The following MGMT variants were observed in gnomAD, a reference collection of about 807,000 sequenced individuals.
The protein encoded by MGMT is O-6-methylguanine-DNA methyltransferase.
MGMT carries 14 observed loss-of-function variants against 15.9 expected under a neutral mutation model. That is an observed-to-expected ratio of 0.88 (90% CI 0.58 to 1.37). The LOEUF (loss-of-function observed/expected upper bound fraction) is 1.37. Among genes scored for constraint, MGMT ranks in the 40% most tolerant of loss-of-function variants. The pLI, the probability that MGMT is intolerant of heterozygous loss-of-function variation, is 0.00. For synonymous variants in MGMT, 130 were observed against 118.2 expected, an observed-to-expected ratio of 1.10 and a Z score of -0.65; for missense variants, 282 against 268.1, an observed-to-expected ratio of 1.05 and a Z score of -0.36.
chr10:129,609,279 A>C (rs1169340325), intron 2 of MGMT, among the ~76,000 whole-genome samples: 3 of 151,248 alleles, frequency 2.0e-5, no homozygotes, highest in Non-Finnish European at 4.4e-5. Flanking sequence ...GTAGAACTGG[A>C]ATCGTTGGCC....
intron 2 of MGMT, among the ~76,000 whole-genome samples, chr10:129,668,395 T>A (rs1847683764): frequency 6.6e-6 from 1 of 152,252 alleles, no homozygotes; most frequent in Non-Finnish European, 1.5e-5. Context: ...CACAGTTATT[T>A]GCTCTCACCT....
intron 2 of MGMT, among the ~76,000 whole-genome samples, chr10:129,559,378 G>T (rs1009739583): frequency 1.3e-5 from 2 of 152,146 alleles, no homozygotes; most frequent in Non-Finnish European, 2.9e-5. Context: ...GGCCCTTGAG[G>T]GGTTTATAGA....
intron 3 of MGMT, among the ~76,000 whole-genome samples, chr10:129,755,139 G>T (rs756326604): frequency 6.6e-6 from 1 of 152,220 alleles, no homozygotes; most frequent in East Asian, 1.9e-4. Context: ...TTCTGCCCAG[G>T]TTTTATAAAG....
chr10:129,513,232 TG>T (rs972481309), intron 1 of MGMT, among the ~76,000 whole-genome samples: 1 of 151,378 alleles, frequency 6.6e-6, no homozygotes, highest in Non-Finnish European at 1.5e-5. Context: ...TAGTGGGTGC[TG>T]GGGGGTGGGG....
chr10:129,581,813 G>A (rs1442834171), intron 2 of MGMT, among the ~76,000 whole-genome samples: 1 of 152,202 alleles, frequency 6.6e-6, no homozygotes, highest in African/African-American at 2.4e-5. Context: ...CGTCCTCCTG[G>A]AGACAAAACC....
At chr10:129,715,886 C>A (rs1463653950) in intron 3 of MGMT, among the ~76,000 whole-genome samples, 1 of 152,172 alleles carries the variant, frequency 6.6e-6, no homozygotes, top group East Asian at 1.9e-4. Flanking sequence ...ATATAAGATT[C>A]ATGAGTCTCT....
At chr10:129,614,244 G>A (rs900446221) in intron 2 of MGMT, among the ~76,000 whole-genome samples, 2 of 152,186 alleles carry the variant, frequency 1.3e-5, no homozygotes, top group Non-Finnish European at 1.5e-5. Flanking sequence ...GTTGTAGCAC[G>A]TGTCAAAAGG....
At chr10:129,518,230 C>T (rs1248228693) in intron 1 of MGMT, among the ~76,000 whole-genome samples, 1 of 151,912 alleles carries the variant, frequency 6.6e-6, no homozygotes, top group African/African-American at 2.4e-5. Flanking sequence ...CTTCTTTCAG[C>T]AGCATTTCAC....
At chr10:129,765,439 G>A (rs1214498598) in intron 4 of MGMT, among the ~76,000 whole-genome samples, 2 of 152,220 alleles carry the variant, frequency 1.3e-5, no homozygotes, top group Non-Finnish European at 2.9e-5. Context: ...CCCAGGCAGA[G>A]GGGGACAACC....
intron 4 of MGMT, among the ~76,000 whole-genome samples, chr10:129,760,494 G>A (rs778006605): frequency 8.5e-5 from 13 of 152,090 alleles, no homozygotes; most frequent in Non-Finnish European, 1.8e-4. Flanking sequence ...CTCACTTTTT[G>A]AAAAATTGCT....
chr10:129,594,776 G>T (rs1054005547), intron 2 of MGMT, among the ~76,000 whole-genome samples: 1 of 152,204 alleles, frequency 6.6e-6, no homozygotes, highest in African/African-American at 2.4e-5. Context: ...CCCAGAGAAG[G>T]TGCACCTCTA....
Position 129,659,468 on chromosome 10 carries a change from G to A in MGMT, c.126-48427G>A, listed in dbSNP as rs1313574409. ...CTGCCTCTATCCACGGCGTAAGGGA[G>A]TTAGCTTCATGGCAAGCTCTCTGGA... On this transcript the variant is annotated intron_variant, in intron 2 of 4. Transcript: ENST00000651593. The surrounding 1 kb of genome is among the most constrained non-coding windows in gnomAD (Gnocchi z 4.1). Among the ~76,000 whole-genome samples, 2 of 152,186 alleles carry A rather than the reference G, an allele frequency of 1.3e-5. No homozygotes were observed. Among genetic ancestry groups the A allele is most frequent in the East Asian group, 1.9e-4 (1 of 5,192 alleles).
chr10:129,628,988 G>T (rs1248142166), intron 2 of MGMT, among the ~76,000 whole-genome samples: 1 of 152,166 alleles, frequency 6.6e-6, no homozygotes, highest in Non-Finnish European at 1.5e-5. Flanking sequence ...ACTCCCGGGG[G>T]AACCCATGTG....
chr10:129,555,073 C>T (rs1173967105), intron 2 of MGMT, among the ~76,000 whole-genome samples: 2 of 152,242 alleles, frequency 1.3e-5, no homozygotes, highest in Non-Finnish European at 2.9e-5. Context: ...CAATAAATGG[C>T]AACTGCTGCC....
intron 1 of MGMT, among the ~76,000 whole-genome samples, chr10:129,486,899 G>C (rs1347763532): frequency 3.3e-5 from 5 of 152,306 alleles, no homozygotes; most frequent in Admixed American, 6.5e-5. Flanking sequence ...GCACAACACT[G>C]TCATTAATGC....
intron 2 of MGMT, among the ~76,000 whole-genome samples, chr10:129,619,171 G>A (rs1847062456): frequency 1.3e-5 from 2 of 152,152 alleles, no homozygotes; most frequent in Admixed American, 1.3e-4. Context: ...ACGGAAGGGT[G>A]TGTCATTTTG....
At chr10:129,598,331 C>G (rs1354418194) in intron 2 of MGMT, among the ~76,000 whole-genome samples, 1 of 152,178 alleles carries the variant, frequency 6.6e-6, no homozygotes, top group Non-Finnish European at 1.5e-5. Flanking sequence ...GTCTCTTGTT[C>G]TTTCTGGCGG....
Position 129,548,775 on chromosome 10 carries a change from C to T in MGMT, c.125+12398C>T, listed in dbSNP as rs368791302. On this transcript the variant is annotated intron_variant, in intron 2 of 4. Coordinates refer to ENST00000651593, the MANE Select transcript of MGMT (RefSeq NM_002412.5). ...GCTGGGGAGGCAGATTTGACATGAA[C>T]GCAAATAAGTGCAAGGACCATCAGG... Among the ~76,000 whole-genome samples the T allele has an allele frequency of 1.1e-3, 167 of 152,120 alleles. 4 individuals are homozygous for T. In the South Asian group the frequency reaches 0.033, roughly 30 times the overall value.
In MGMT at chr10:129,556,465, C is replaced by T. The variant is rs1216915740; in HGVS notation, c.125+20088C>T. Among the ~76,000 whole-genome samples, 1 of 152,102 alleles carries T rather than the reference C, an allele frequency of 6.6e-6. No individual in the cohort carries two copies. The highest frequency in any genetic ancestry group is 2.4e-5 in the African/African-American group (1 of 41,414). ...AAGGAGAGAGCGCCTTGGAGAAAACCAGCTGTGCCTACACCTTGGGTTCAG... is the reference window on the plus strand; with the variant it reads ...AAGGAGAGAGCGCCTTGGAGAAAACTAGCTGTGCCTACACCTTGGGTTCAG... On this transcript the variant is annotated intron_variant, in intron 2 of 4. Coordinates refer to ENST00000651593, the MANE Select transcript of MGMT (RefSeq NM_002412.5). The surrounding 1 kb of genome is among the most constrained non-coding windows in gnomAD (Gnocchi z 4.3).
Sources: allele counts gnomAD v4.1 joint callset (sites outside exome capture counted in the v4.1 genomes callset), GRCh38; gene constraint gnomAD v4.1.1; non-coding constraint Gnocchi (gnomAD v3.1); transcripts MANE v1.5; gene names NCBI Gene and HGNC (gene_info 2026-07-23, HGNC 2026-07-21).